Variants in ELOVL5 observed in about 807,000 individuals in gnomAD.
ELOVL5 encodes very long chain fatty acid elongase 5.
In ELOVL5, 8 loss-of-function variants were observed where a neutral mutation model predicts 38.6. The observed-to-expected ratio is 0.21, with a 90% CI of 0.12 to 0.37. ELOVL5 has a LOEUF of 0.37. Ranked by LOEUF, ELOVL5 falls within the 10% of genes least tolerant of loss-of-function variation. The pLI, the probability that ELOVL5 is intolerant of heterozygous loss-of-function variation, is 1.00. For missense variants in ELOVL5, 280 were observed against 367.8 expected (o/e 0.76, Z 1.95); for synonymous variants, 127 against 133.7 (o/e 0.95, Z 0.34).
At chr6:53,305,804 C>T (rs867488122) in intron 1 of ELOVL5, among the ~76,000 whole-genome samples, 6 of 152,012 alleles carry the variant, frequency 3.9e-5, no homozygotes, top group African/African-American at 9.7e-5. Flanking sequence ...GACGGGGTGG[C>T]GGCCGGGCAG....
rs1352268748 is a variant in ELOVL5, at chr6:53,268,070, G to A, written c.*1057C>T. On this transcript the variant is annotated 3_prime_UTR_variant, in exon 8 of 8. Transcript: ENST00000304434. ...GCTATATTTGATTTTACCTTAAAAAGTTCTAAGGTCCTTTCCCCCCCTTTG... is the reference window on the plus strand; with the variant it reads ...GCTATATTTGATTTTACCTTAAAAAATTCTAAGGTCCTTTCCCCCCCTTTG... 3 of 152,144 alleles carry A rather than the reference G, an allele frequency of 2.0e-5. No individual in the cohort carries two copies. The highest frequency in any genetic ancestry group is 2.0e-4 in the Admixed American group (3 of 15,288). 9.4% of individuals were successfully genotyped at this position (152,144 alleles called of 1,614,324 possible).
intron 1 of ELOVL5, among the ~76,000 whole-genome samples, chr6:53,339,784 C>CT (rs764144802): frequency 9.2e-5 from 14 of 152,302 alleles, no homozygotes; most frequent in Admixed American, 2.6e-4. Flanking sequence ...GTATACTATA[C>CT]TTTTTTATCA....
In ELOVL5 at chr6:53,288,011, T is replaced by G. The variant is rs751814992; in HGVS notation, c.246+3765A>C. ...GGTCTGAGGCACAGCAGGAGAAGAG[T>G]AGACACATTGAATGGCTTCACATGA... On this transcript the variant is annotated intron_variant, in intron 3 of 7. Transcript: ENST00000304434. 6.9e-6 allele frequency: 9 copies of G among 1,295,054 alleles called. No homozygotes were observed. In the African/African-American group the frequency reaches 7.3e-5, roughly 11 times the overall value. The allele number at this position is 1,295,054 out of a possible 1,614,324, so 80.2% of individuals were successfully genotyped here. A position where few individuals can be genotyped will look rare whatever the true frequency, so the allele number is the denominator to read the frequency against.
intron 1 of ELOVL5, among the ~76,000 whole-genome samples, chr6:53,334,718 A>G (rs1768970516): frequency 6.6e-6 from 1 of 152,124 alleles, no homozygotes; most frequent in African/African-American, 2.4e-5. Context: ...CTGAATCTCC[A>G]AATCAACAAA....
intron 1 of ELOVL5, among the ~76,000 whole-genome samples, chr6:53,334,661 C>T (rs935512244): frequency 2.6e-5 from 4 of 152,124 alleles, no homozygotes; most frequent in Non-Finnish European, 5.9e-5. Context: ...ATTCCAATCT[C>T]AAGGACCAGT....
chr6:53,329,057 A>G (rs1197543908), intron 1 of ELOVL5, among the ~76,000 whole-genome samples: 2 of 152,240 alleles, frequency 1.3e-5, no homozygotes, highest in Non-Finnish European at 1.5e-5. Context: ...TGTGGCATAA[A>G]ACACAGAATT....
At chr6:53,276,311 CATTGAACTTT>C (rs1766122589) in intron 3 of ELOVL5, 55 bp from the exon 4 acceptor site, 3 of 1,155,106 alleles carry the variant, frequency 2.6e-6, no homozygotes, top group Non-Finnish European at 3.9e-6. Flanking sequence ...GTAAAGTCCT[CATTGAACTTT>C]ATTAGTTGCA....
intron 3 of ELOVL5, chr6:53,277,689 T>G (rs1300607706): frequency 6.6e-6 from 1 of 152,276 alleles, no homozygotes; most frequent in African/African-American, 2.4e-5. Flanking sequence ...TGTCTTCTAC[T>G]ACTCTCTAAA....
At chr6:53,339,061 T>C (rs1433593288) in intron 1 of ELOVL5, among the ~76,000 whole-genome samples, 2 of 152,182 alleles carry the variant, frequency 1.3e-5, no homozygotes, top group African/African-American at 4.8e-5. Context: ...CGCCCACATT[T>C]TATAACTGTT....
At chr6:53,312,412 G>T (rs1408285868) in intron 1 of ELOVL5, among the ~76,000 whole-genome samples, 1 of 152,150 alleles carries the variant, frequency 6.6e-6, no homozygotes, top group Non-Finnish European at 1.5e-5. Flanking sequence ...AATCTCTAAA[G>T]AATTAAGCTA....
At chr6:53,302,284 G>C (rs1373458855) in intron 1 of ELOVL5, among the ~76,000 whole-genome samples, 2 of 152,210 alleles carry the variant, frequency 1.3e-5, no homozygotes, top group Non-Finnish European at 2.9e-5. Flanking sequence ...CAACATCAGT[G>C]CTCACTTTGA....
chr6:53,274,869 G>C (rs749027967), intron 5 of ELOVL5, among the ~76,000 whole-genome samples: 5 of 152,196 alleles, frequency 3.3e-5, no homozygotes, highest in African/African-American at 7.2e-5. Context: ...TATGTCCCCA[G>C]TGGTATCTCC....
chr6:53,284,133 C>T (rs1029942484), intron 3 of ELOVL5, among the ~76,000 whole-genome samples: 11 of 151,690 alleles, frequency 7.3e-5, no homozygotes, highest in African/African-American at 2.7e-4. Flanking sequence ...AAGTGAGACT[C>T]CATCTCTACA....
At chr6:53,328,235 T>C (rs1768634384) in intron 1 of ELOVL5, among the ~76,000 whole-genome samples, 2 of 152,200 alleles carry the variant, frequency 1.3e-5, no homozygotes, top group Non-Finnish European at 2.9e-5. Context: ...TGTTTCTTAG[T>C]TGTATTAACC....
At chr6:53,294,474 G>T in intron 2 of ELOVL5, 4 of 1,549,840 alleles carry the variant, frequency 2.6e-6, no homozygotes, top group Non-Finnish European at 3.5e-6. Flanking sequence ...CCCATTCTGA[G>T]GACAGAGCTG....
intron 1 of ELOVL5, among the ~76,000 whole-genome samples, chr6:53,309,222 T>C (rs1223093467): frequency 2.0e-5 from 3 of 152,200 alleles, no homozygotes; most frequent in Admixed American, 2.0e-4. Context: ...GTAGCTGTTC[T>C]TGGGACACAG....
At position 53,273,313 on chromosome 6, in the gene ELOVL5, G is replaced by C. The variant is rs1765992540; in HGVS notation, c.528C>G (p.Ile176Met). 2 of 1,613,504 alleles carry C rather than the reference G, an allele frequency of 1.2e-6. No homozygotes were observed. Among genetic ancestry groups the C allele is most frequent in the African/African-American group, 1.3e-5 (1 of 74,890 alleles). ...CATAGTAAGAGTACATGAGGACGTG[G>C]ATGAAGCTATTAAGTGTGGCACCAA... ...SYFGATLNSF[I>M]HVLMYSYYGL... The change falls in exon 6 of 8, where the codon ATC becomes ATG. Residue 176 changes from isoleucine (I) to methionine (M), a missense_variant. Coordinates refer to ENST00000304434, the MANE Select transcript of ELOVL5 (RefSeq NM_021814.5).
At position 53,268,622 on chromosome 6, in the gene ELOVL5, T is replaced by G. The variant is rs1434492384; in HGVS notation, c.*505A>C. 6.5e-6 allele frequency: 1 copy of G among 152,690 alleles called. No individual in the cohort carries two copies. The highest frequency in any genetic ancestry group is 1.5e-5 in the Non-Finnish European group (1 of 68,070). The allele number at this position is 152,690 out of a possible 1,614,324, so 9.5% of individuals were successfully genotyped here. On this transcript the variant is annotated 3_prime_UTR_variant, in exon 8 of 8. Transcript: ENST00000304434. Reference sequence around the variant, plus strand: ...TTCATAAATCATGGTCTTTGATTTTTTCTAAACAGAGCTATTACAAATTAA... The same window carrying G: ...TTCATAAATCATGGTCTTTGATTTTGTCTAAACAGAGCTATTACAAATTAA...
At chr6:53,320,175 G>C (rs1304576457) in intron 1 of ELOVL5, among the ~76,000 whole-genome samples, 1 of 151,928 alleles carries the variant, frequency 6.6e-6, no homozygotes, top group Non-Finnish European at 1.5e-5. Context: ...AAATTAGCTG[G>C]GTGTGGTGGT....
Sources: allele counts gnomAD v4.1 joint callset (sites outside exome capture counted in the v4.1 genomes callset), GRCh38; gene constraint gnomAD v4.1.1; transcripts MANE v1.5; gene names NCBI Gene and HGNC (gene_info 2026-07-23, HGNC 2026-07-21).